The following SPHKAP variants were observed in gnomAD, a reference collection of about 807,000 sequenced individuals.
The protein encoded by SPHKAP is A-kinase anchor protein SPHKAP.
Under a neutral mutation model 137.5 loss-of-function variants are expected in SPHKAP, and 67 were observed. That is an observed-to-expected ratio of 0.49 (90% CI 0.40 to 0.60). The LOEUF is 0.60. Among genes scored for constraint, SPHKAP ranks in the 20% least tolerant of loss-of-function variants. SPHKAP has a pLI of 0.00. For missense variants in SPHKAP, 2,097 were observed against 2,069.3 expected (o/e 1.01, Z -0.26); for synonymous variants, 813 against 785.3 (o/e 1.04, Z -0.59).
chr2:228,087,345 C>T (rs545469818), intron 3 of SPHKAP, among the ~76,000 whole-genome samples: 3 of 152,144 alleles, frequency 2.0e-5, no homozygotes, highest in East Asian at 3.9e-4. Context: ...TAGATAAAGA[C>T]AATATGTTAT....
At chr2:228,047,507 C>G (rs1319230263) in intron 3 of SPHKAP, among the ~76,000 whole-genome samples, 1 of 151,926 alleles carries the variant, frequency 6.6e-6, no homozygotes, top group Non-Finnish European at 1.5e-5. Flanking sequence ...GTTCAACTCT[C>G]TCATGTTATC....
At chr2:228,146,906 G>A (rs1699793095) in intron 1 of SPHKAP, among the ~76,000 whole-genome samples, 1 of 152,150 alleles carries the variant, frequency 6.6e-6, no homozygotes, top group African/African-American at 2.4e-5. Context: ...TCCTCTTGGA[G>A]ACAATATCTA....
intron 3 of SPHKAP, among the ~76,000 whole-genome samples, chr2:228,088,456 AT>A (rs1400243079): frequency 6.6e-6 from 1 of 152,230 alleles, no homozygotes; most frequent in Non-Finnish European, 1.5e-5. Flanking sequence ...AGAAACTAAA[AT>A]GTTACACTAG....
At chr2:228,099,275 T>C (rs549899229) in intron 3 of SPHKAP, among the ~76,000 whole-genome samples, 1 of 152,342 alleles carries the variant, frequency 6.6e-6, no homozygotes, top group South Asian at 2.1e-4. Flanking sequence ...CTGCATCATT[T>C]ATTGAACAGG....
At chr2:228,168,106 A>G (rs967115250) in intron 1 of SPHKAP, among the ~76,000 whole-genome samples, 12 of 152,176 alleles carry the variant, frequency 7.9e-5, no homozygotes, top group Admixed American at 5.2e-4. Context: ...ATTTACTTTA[A>G]TGCACTAATC....
chr2:228,131,858 G>A (rs925508878), intron 2 of SPHKAP, 122 bp downstream of exon 2: 24 of 1,407,444 alleles, frequency 1.7e-5, no homozygotes, highest in Admixed American at 1.5e-4. Flanking sequence ...AAAGCAAACC[G>A]TGAGCCATTT....
At chr2:228,049,376 G>T (rs1461102998) in intron 3 of SPHKAP, among the ~76,000 whole-genome samples, 1 of 152,204 alleles carries the variant, frequency 6.6e-6, no homozygotes, top group Non-Finnish European at 1.5e-5. Flanking sequence ...ATTTTCTAAA[G>T]TGTGATTCCC....
chr2:228,020,343 T>A (rs1163226252), intron 6 of SPHKAP, 187 bp from the exon 7 acceptor site: 2 of 324,692 alleles, frequency 6.2e-6, no homozygotes, highest in Non-Finnish European at 8.8e-6. Context: ...ATAGACTGGA[T>A]TAAGAAAATG....
intron 7 of SPHKAP, among the ~76,000 whole-genome samples, chr2:228,003,626 T>C (rs1196160838): frequency 6.6e-6 from 1 of 152,206 alleles, no homozygotes; most frequent in Non-Finnish European, 1.5e-5. Context: ...AGAAAGGGCA[T>C]CCCTGTCTTG....
rs1032166293 is a variant in SPHKAP, at chr2:228,039,422, G to T, written c.247-11879C>A. On this transcript the variant is annotated intron_variant, in intron 3 of 11. Transcript: ENST00000392056. Reference sequence around the variant, plus strand: ...TACTTACATACAATAAAATTTGAATGTCTATAGGAAATACACAGTTTTTTT... The same window carrying T: ...TACTTACATACAATAAAATTTGAATTTCTATAGGAAATACACAGTTTTTTT... Among the ~76,000 whole-genome samples the T allele has an allele frequency of 6.1e-5, 9 of 146,666 alleles. No individual in the cohort carries two copies. The Admixed American group carries it at 6.3e-4, about 10-fold the overall frequency.
chr2:228,155,442 C>T (rs1382022056), intron 1 of SPHKAP, among the ~76,000 whole-genome samples: 4 of 152,144 alleles, frequency 2.6e-5, no homozygotes, highest in South Asian at 2.1e-4. Context: ...GACCATAAAC[C>T]GGATATGATA....
intron 3 of SPHKAP, among the ~76,000 whole-genome samples, chr2:228,079,353 T>C (rs556785011): frequency 1.3e-5 from 2 of 152,264 alleles, no homozygotes; most frequent in South Asian, 4.1e-4. Context: ...AGGTCACCAA[T>C]TGGTATGGGT....
chr2:228,119,456 TAC>T (rs55846474), intron 2 of SPHKAP, among the ~76,000 whole-genome samples: 4 of 137,420 alleles, frequency 2.9e-5, no homozygotes, highest in Admixed American at 7.7e-5. Flanking sequence ...AAGCCTAGTA[TAC>T]ACACACACAC....
intron 3 of SPHKAP, among the ~76,000 whole-genome samples, chr2:228,089,122 G>A (rs545377553): frequency 3.0e-4 from 45 of 152,338 alleles, no homozygotes; most frequent in South Asian, 6.2e-4. Context: ...CAATTGTTGA[G>A]TGGTTGTGAC....
chr2:227,984,552 A>G (rs1344121236), intron 11 of SPHKAP, among the ~76,000 whole-genome samples: 6 of 152,140 alleles, frequency 3.9e-5, no homozygotes, highest in African/African-American at 1.4e-4. Context: ...TATATCTAAG[A>G]GTGTATGTAA....
chr2:228,082,572 G>A (rs912898634), intron 3 of SPHKAP, among the ~76,000 whole-genome samples: 2 of 152,122 alleles, frequency 1.3e-5, no homozygotes, highest in African/African-American at 4.8e-5. Flanking sequence ...TTATAATTAA[G>A]GGATCCTCTG....
At chr2:228,143,664 CTTTTTTT>C (rs35440451) in intron 1 of SPHKAP, among the ~76,000 whole-genome samples, 7 of 97,436 alleles carry the variant, frequency 7.2e-5, no homozygotes, top group East Asian at 3.0e-4. Flanking sequence ...AAACACCTGG[CTTTTTTT>C]TTTTTTTTTT....
chr2:228,121,116 C>T (rs999946568), intron 2 of SPHKAP, among the ~76,000 whole-genome samples: 1 of 152,128 alleles, frequency 6.6e-6, no homozygotes, highest in Admixed American at 6.6e-5. Flanking sequence ...ATGCAAAGTA[C>T]AGGTAGTGAA....
chr2:228,039,205 C>T (rs939864352), intron 3 of SPHKAP, among the ~76,000 whole-genome samples: 2 of 152,196 alleles, frequency 1.3e-5, no homozygotes, highest in African/African-American at 4.8e-5. Flanking sequence ...CACATCATCC[C>T]GAAAGAACAC....
Sources: gnomAD v4.1 joint callset for allele counts (sites outside exome capture counted in the v4.1 genomes callset) on GRCh38, gnomAD v4.1.1 for gene constraint, MANE v1.5 for transcripts, NCBI Gene and HGNC (gene_info 2026-07-23, HGNC 2026-07-21) for gene names.